Variants in EPHB1 observed in about 807,000 individuals in gnomAD.
The protein encoded by EPHB1 is ephrin type-B receptor 1.
A neutral mutation model predicts 94.4 loss-of-function variants in EPHB1; 30 were observed. That is an observed-to-expected ratio of 0.32 (90% confidence interval 0.24 to 0.43). EPHB1 has a LOEUF of 0.43. Among genes scored for constraint, EPHB1 ranks in the 20% least tolerant of loss-of-function variants. EPHB1 has a pLI of 1.00. For synonymous variants in EPHB1, 522 were observed against 489.1 expected (o/e 1.07, Z -0.89); for missense variants, 1,055 against 1,308.3 (o/e 0.81, Z 2.99).
intron 1 of EPHB1, among the ~76,000 whole-genome samples, chr3:134,908,895 G>A (rs2038392431): frequency 6.6e-6 from 1 of 152,086 alleles, no homozygotes; most frequent in Admixed American, 6.6e-5. Context: ...ATGCTCAGTG[G>A]AATTCATAAG....
intron 3 of EPHB1, among the ~76,000 whole-genome samples, chr3:135,006,735 C>G (rs1012600577): frequency 2.6e-5 from 4 of 152,054 alleles, no homozygotes; most frequent in Non-Finnish European, 5.9e-5. Flanking sequence ...TGTAGGAATC[C>G]AAATATATCT....
chr3:134,951,074 C>T lies in EPHB1; in HGVS notation c.124-297C>T, dbSNP rs551285431. ...ACATGGGCTGAAAGCTGCATGTTGT[C>T]CCCATGGATGTAATAAGCTAGTCAC... On this transcript the variant is annotated intron_variant, in intron 2 of 15. Transcript: ENST00000398015. This position sits in a 1 kb window ranked among gnomAD's most constrained non-coding sequence, Gnocchi z 4.5. Among the ~76,000 whole-genome samples the T allele has an allele frequency of 3.9e-5, 6 of 152,264 alleles. No individual in the cohort carries two copies. In the South Asian group the frequency reaches 8.3e-4, roughly 21 times the overall value.
chr3:135,139,204 T>A (rs958051741), intron 5 of EPHB1, among the ~76,000 whole-genome samples: 4 of 152,136 alleles, frequency 2.6e-5, no homozygotes, highest in Admixed American at 6.5e-5. Flanking sequence ...CATCTTAATA[T>A]CCCTCCCAGA....
In EPHB1 at chr3:135,197,098, A is replaced by G. The variant is rs531773549; in HGVS notation, c.2130+4275A>G. Among the ~76,000 whole-genome samples the G allele has an allele frequency of 2.6e-3, 382 of 149,096 alleles. 3 individuals are homozygous for G. The highest frequency in any genetic ancestry group is 6.6e-3 in the Admixed American group (99 of 14,900). On this transcript the variant is annotated intron_variant, in intron 11 of 15. Coordinates refer to ENST00000398015, the MANE Select transcript of EPHB1 (RefSeq NM_004441.5). ...TATAGCGAGACCCCGTTCTCCAGAAAAAGGAAAAAAAAAAAAAAGACAAAA... is the reference window on the plus strand; with the variant it reads ...TATAGCGAGACCCCGTTCTCCAGAAGAAGGAAAAAAAAAAAAAAGACAAAA...
chr3:135,052,911 G>GTA (rs1446666656), intron 3 of EPHB1, among the ~76,000 whole-genome samples: 1 of 69,420 alleles, frequency 1.4e-5, no homozygotes, highest in African/African-American at 7.9e-5. Context: ...ATATATATAT[G>GTA]TGTGTGTGTG....
intron 3 of EPHB1, among the ~76,000 whole-genome samples, chr3:135,069,104 TG>T (rs1159444651): frequency 6.6e-6 from 1 of 150,706 alleles, no homozygotes. Context: ...TGTGTTTTGG[TG>T]TCATATCTAA....
intron 15 of EPHB1, among the ~76,000 whole-genome samples, chr3:135,257,406 CCTTT>C (rs1427712482): frequency 2.0e-5 from 3 of 151,490 alleles, no homozygotes; most frequent in African/African-American, 7.3e-5. Context: ...GTGTGGATGT[CCTTT>C]CTGTTTGTTA....
At chr3:134,805,108 GC>G (rs2036012883) in intron 1 of EPHB1, among the ~76,000 whole-genome samples, 1 of 152,190 alleles carries the variant, frequency 6.6e-6, no homozygotes, top group African/African-American at 2.4e-5. Context: ...CGGGAGGTGA[GC>G]TGGGGATGGG....
intron 1 of EPHB1, among the ~76,000 whole-genome samples, chr3:134,820,834 G>C (rs1485367898): frequency 1.3e-5 from 2 of 152,170 alleles, no homozygotes; most frequent in Admixed American, 6.5e-5. Flanking sequence ...TTAAAAGGGA[G>C]AAAGGGTTTG....
chr3:134,850,613 G>A (rs531064403), intron 1 of EPHB1, among the ~76,000 whole-genome samples: 23 of 152,360 alleles, frequency 1.5e-4, no homozygotes, highest in Admixed American at 3.9e-4. Context: ...GGCATGTGGT[G>A]AGAAGGGGCT....
chr3:134,875,449 G>A (rs2037596924), intron 1 of EPHB1, among the ~76,000 whole-genome samples: 1 of 152,268 alleles, frequency 6.6e-6, no homozygotes, highest in Non-Finnish European at 1.5e-5. Flanking sequence ...GAAGGCAGGA[G>A]CACTTATGGA....
At chr3:134,853,352 G>T (rs13072762) in intron 1 of EPHB1, among the ~76,000 whole-genome samples, 31,171 of 152,136 alleles carry the variant, frequency 0.2, 3,542 homozygotes, top group South Asian at 0.3. Flanking sequence ...GCATGTAGGG[G>T]GTGGTGTGAG....
At chr3:134,923,474 C>T (rs1434132133) in intron 1 of EPHB1, among the ~76,000 whole-genome samples, 1 of 152,164 alleles carries the variant, frequency 6.6e-6, no homozygotes, top group Non-Finnish European at 1.5e-5. Context: ...CTCATTAGAC[C>T]CACTCAGGCC....
At chr3:135,223,735 A>G (rs1003350350) in intron 12 of EPHB1, among the ~76,000 whole-genome samples, 1 of 152,252 alleles carries the variant, frequency 6.6e-6, no homozygotes, top group African/African-American at 2.4e-5. Context: ...ACTCTTTTAG[A>G]TACCTGATCA....
intron 3 of EPHB1, among the ~76,000 whole-genome samples, chr3:135,047,216 C>T (rs1937023220): frequency 6.6e-6 from 1 of 152,188 alleles, no homozygotes; most frequent in Non-Finnish European, 1.5e-5. Context: ...AAAGAAGTGA[C>T]AGCTTACAGA....
At chr3:134,806,075 A>T (rs1299653766) in intron 1 of EPHB1, among the ~76,000 whole-genome samples, 1 of 152,244 alleles carries the variant, frequency 6.6e-6, no homozygotes, top group Non-Finnish European at 1.5e-5. Flanking sequence ...GAAAAGATCA[A>T]CAAACACTTA....
At chr3:135,002,816 A>AT (rs1163213903) in intron 3 of EPHB1, among the ~76,000 whole-genome samples, 4 of 151,636 alleles carry the variant, frequency 2.6e-5, no homozygotes, top group African/African-American at 9.7e-5. Flanking sequence ...CCCCTTTATC[A>AT]TTTTTTATTG....
intron 7 of EPHB1, among the ~76,000 whole-genome samples, chr3:135,163,608 G>A (rs890799308): frequency 2.0e-5 from 3 of 152,146 alleles, no homozygotes; most frequent in African/African-American, 7.2e-5. Flanking sequence ...AGATTTATAG[G>A]CACTCTGGCA....
At chr3:134,885,276 A>G (rs1463392860) in intron 1 of EPHB1, among the ~76,000 whole-genome samples, 2 of 152,246 alleles carry the variant, frequency 1.3e-5, no homozygotes, top group Non-Finnish European at 2.9e-5. Context: ...GAAAGATAAA[A>G]GGTTGAAGAA....
Sources: allele counts gnomAD v4.1 joint callset (sites outside exome capture counted in the v4.1 genomes callset), GRCh38; gene constraint gnomAD v4.1.1; non-coding constraint Gnocchi (gnomAD v3.1); transcripts MANE v1.5; gene names NCBI Gene and HGNC (gene_info 2026-07-23, HGNC 2026-07-21).